The following B3GLCT variants were observed in gnomAD, a reference collection of about 807,000 sequenced individuals.
B3GLCT encodes the protein beta 3-glucosyltransferase.
Under a neutral mutation model 63.4 loss-of-function variants are expected in B3GLCT, and 65 were observed. The observed-to-expected ratio is 1.03, with a 90% CI of 0.84 to 1.26. The LOEUF is 1.26. Among genes scored for constraint, B3GLCT ranks in the 50% most tolerant of loss-of-function variants. The pLI is 0.00. For missense variants in B3GLCT, 577 were observed against 604.8 expected (o/e 0.95, Z 0.48); for synonymous variants, 233 against 219.2 (o/e 1.06, Z -0.55).
chr13:31,200,106 T>A lies in B3GLCT; in HGVS notation c.22T>A (p.Trp8Arg). The A allele has an allele frequency of 7.3e-7, 1 of 1,376,086 alleles. No homozygotes were observed. The highest frequency in any genetic ancestry group is 9.5e-7 in the Non-Finnish European group (1 of 1,055,112). 85.2% of individuals were successfully genotyped at this position (1,376,086 alleles called of 1,614,324 possible). A position where few individuals can be genotyped will look rare whatever the true frequency, so the allele number is the denominator to read the frequency against. Reference protein sequence around the residue: MRPPACWWLLAPPALLAL... With the variant: MRPPACWRLLAPPALLAL... ...CAGGATGCGGCCGCCCGCCTGCTGGTGGCTGCTCGCGCCGCCGGCGCTGCT... is the reference window on the plus strand; with the variant it reads ...CAGGATGCGGCCGCCCGCCTGCTGGAGGCTGCTCGCGCCGCCGGCGCTGCT... The change falls in exon 1 of 15, where the codon TGG becomes AGG. Residue 8 changes from tryptophan to arginine, a missense_variant. Physicochemically the swap from Trp to Arg is moderately radical, Grantham distance 101. Coordinates refer to ENST00000343307, the MANE Select transcript of B3GLCT (RefSeq NM_194318.4).
chr13:31,249,798 G>A (rs558790805), intron 6 of B3GLCT, among the ~76,000 whole-genome samples: 146 of 152,286 alleles, frequency 9.6e-4, no homozygotes, highest in African/African-American at 3.4e-3. Context: ...TGATGTTGAA[G>A]TTAGCTCAAA....
rs77733322 is a variant in B3GLCT at position 31,326,900 on chromosome 13, C to T, written c.1330-2601C>T. Among the ~76,000 whole-genome samples the T allele has an allele frequency of 5.0e-3, 763 of 152,292 alleles. 8 individuals carry two copies. The highest frequency in any genetic ancestry group is 0.018 in the African/African-American group (733 of 41,546). On this transcript the variant is annotated intron_variant, in intron 14 of 14. Coordinates refer to ENST00000343307, the MANE Select transcript of B3GLCT (RefSeq NM_194318.4). ...CATGTATAGCCTCCCTGAGATGCAG[C>T]AAATCACTTCTAGAATCTGCATTAA... is the stretch of plus-strand genomic sequence containing the variant.
At chr13:31,259,742 G>C (rs1004688974) in intron 6 of B3GLCT, among the ~76,000 whole-genome samples, 2 of 151,846 alleles carry the variant, frequency 1.3e-5, no homozygotes, top group African/African-American at 4.8e-5. Flanking sequence ...CAAACTCCTT[G>C]AGGAAAGGAG....
intron 3 of B3GLCT, 132 bp from the exon 4 acceptor site, chr13:31,229,053 C>G: frequency 4.5e-6 from 3 of 663,090 alleles, no homozygotes; most frequent in Non-Finnish European, 8.1e-6. Context: ...GAATTACATA[C>G]GAATTGATTT....
At chr13:31,219,892 A>C (rs1382488685) in intron 2 of B3GLCT, among the ~76,000 whole-genome samples, 1 of 152,196 alleles carries the variant, frequency 6.6e-6, no homozygotes, top group Non-Finnish European at 1.5e-5. Flanking sequence ...GTAGTTGATG[A>C]TAATGATGAA....
chr13:31,294,230 G>C (rs1873821867), intron 12 of B3GLCT, among the ~76,000 whole-genome samples: 1 of 152,138 alleles, frequency 6.6e-6, no homozygotes, highest in Admixed American at 6.5e-5. Context: ...TTTCTCTCTG[G>C]CTGCCTTTAA....
intron 1 of B3GLCT, among the ~76,000 whole-genome samples, chr13:31,211,484 T>C (rs552686837): frequency 1.5e-4 from 23 of 152,350 alleles, no homozygotes; most frequent in African/African-American, 5.5e-4. Flanking sequence ...CTGATGCATT[T>C]TTTATGTCAT....
intron 8 of B3GLCT, among the ~76,000 whole-genome samples, chr13:31,273,009 C>T (rs1566074760): frequency 6.6e-6 from 1 of 152,116 alleles, no homozygotes; most frequent in Admixed American, 6.6e-5. Context: ...GTTTTTGAAG[C>T]ATGCTTACAT....
chr13:31,262,410 ATCTGCACAGTT>A (rs1267298976), intron 7 of B3GLCT, among the ~76,000 whole-genome samples: 2 of 152,230 alleles, frequency 1.3e-5, no homozygotes, highest in African/African-American at 2.4e-5. Context: ...GCCTAAGAGC[ATCTGCACAGTT>A]TCCCTCCCTT....
chr13:31,264,282 C>A (rs1872184409), intron 7 of B3GLCT, among the ~76,000 whole-genome samples: 1 of 152,134 alleles, frequency 6.6e-6, no homozygotes, highest in Non-Finnish European at 1.5e-5. Context: ...AGAGGTTAAT[C>A]TTTTCCACAA....
intron 8 of B3GLCT, among the ~76,000 whole-genome samples, chr13:31,273,101 T>C (rs1010834229): frequency 6.6e-6 from 1 of 151,996 alleles, no homozygotes; most frequent in Non-Finnish European, 1.5e-5. Context: ...TTTCTTTGTT[T>C]TTCTTTTGAG....
intron 10 of B3GLCT, among the ~76,000 whole-genome samples, 157 bp from the exon 11 acceptor site, chr13:31,284,491 T>G (rs974813949): frequency 1.3e-5 from 2 of 152,210 alleles, no homozygotes. Context: ...TCAACAACGT[T>G]GGCATTTCTC....
intron 6 of B3GLCT, among the ~76,000 whole-genome samples, chr13:31,254,962 G>A (rs572939377): frequency 6.1e-4 from 93 of 151,582 alleles, no homozygotes; most frequent in Admixed American, 6.6e-4. Flanking sequence ...GCTTGAAGCC[G>A]GGAGGCGGAG....
chr13:31,265,869 CTGAAAAAGTCAGCTAGGAAGTAGAAT>C (rs1872274081), intron 7 of B3GLCT, among the ~76,000 whole-genome samples: 1 of 151,966 alleles, frequency 6.6e-6, no homozygotes, highest in Non-Finnish European at 1.5e-5. Context: ...GGAAGTGGGA[CTGAAAAAGTCAGCTAGGAAGTAGAAT>C]TGAAAAAGTC....
rs917658694 is a variant in B3GLCT, at chr13:31,247,943, C to G, written c.436C>G (p.Leu146Val). The change falls in exon 6 of 15, where the codon CTC becomes GTC. Residue 146 changes from leucine (L) to valine (V), a missense_variant. Leu to Val is a conservative substitution (Grantham distance 32). Transcript: ENST00000343307. The stretch of plus-strand genomic sequence containing the variant: ...ACAGATTCCAAAACTCTTGGAAACC[C>G]TCAGAAGATATGACCCCTCTAAGGT... Reference protein sequence around the residue: ...RIQIPKLLETLRRYDPSKEWF... With the variant: ...RIQIPKLLETVRRYDPSKEWF... The G allele has an allele frequency of 3.7e-6, 6 of 1,603,362 alleles. No homozygotes were observed. The highest frequency in any genetic ancestry group is 1.7e-5 in the Admixed American group (1 of 59,980).
At chr13:31,235,464 A>G (rs534120061) in intron 4 of B3GLCT, among the ~76,000 whole-genome samples, 46 of 152,158 alleles carry the variant, frequency 3.0e-4, no homozygotes, top group Middle Eastern at 3.4e-3. Flanking sequence ...GAAGGGCCAT[A>G]CGAAGGGATA....
chr13:31,238,333 AAG>A (rs1870756395), intron 4 of B3GLCT, among the ~76,000 whole-genome samples: 1 of 152,244 alleles, frequency 6.6e-6, no homozygotes, highest in Non-Finnish European at 1.5e-5. Flanking sequence ...TTGTTAGTAG[AAG>A]AGTTAAACTG....
intron 10 of B3GLCT, among the ~76,000 whole-genome samples, chr13:31,279,872 G>T (rs111666034): frequency 6.6e-6 from 1 of 152,154 alleles, no homozygotes; most frequent in Admixed American, 6.5e-5. Context: ...CCTTGGGAAC[G>T]CATTCTCTTT....
chr13:31,270,248 G>A (rs1872523796), intron 8 of B3GLCT, among the ~76,000 whole-genome samples: 1 of 152,170 alleles, frequency 6.6e-6, no homozygotes, highest in Non-Finnish European at 1.5e-5. Context: ...TGTATGTTAG[G>A]ACATTAAGGT....
Sources: gnomAD v4.1 joint callset for allele counts (sites outside exome capture counted in the v4.1 genomes callset) on GRCh38, gnomAD v4.1.1 for gene constraint, MANE v1.5 for transcripts, NCBI Gene and HGNC (gene_info 2026-07-23, HGNC 2026-07-21) for gene names.